Variants in ARL6IP5 observed in about 807,000 individuals in gnomAD.
ARL6IP5 encodes the protein PRA1 family protein 3.
In ARL6IP5, 6 loss-of-function variants were observed where a neutral mutation model predicts 13.0. The ratio of observed to expected loss-of-function variants is 0.46; its 90% CI spans 0.25 to 0.91. The LOEUF (loss-of-function observed/expected upper bound fraction) is 0.91, where lower values mean the gene tolerates loss of function less well. Ranked by LOEUF, ARL6IP5 falls within the 40% of genes least tolerant of loss-of-function variation. The pLI, the probability that ARL6IP5 is intolerant of heterozygous loss-of-function variation, is 0.17. For missense variants in ARL6IP5, 208 were observed against 248.8 expected (o/e 0.84, Z 1.10); for synonymous variants, 91 against 91.9 (o/e 0.99, Z 0.06).
At chr3:69,100,674 G>A (rs759456143) in intron 1 of ARL6IP5, among the ~76,000 whole-genome samples, 1 of 151,832 alleles carries the variant, frequency 6.6e-6, no homozygotes, top group Non-Finnish European at 1.5e-5. Context: ...CCAGTTACTC[G>A]GGAGGCTGAG....
At chr3:69,090,293 T>C (rs2092261235) in intron 1 of ARL6IP5, among the ~76,000 whole-genome samples, 1 of 152,248 alleles carries the variant, frequency 6.6e-6, no homozygotes, top group Admixed American at 6.5e-5. Context: ...CAACACCAGT[T>C]CTACAACATT....
chr3:69,094,750 T>G (rs1460213349), intron 1 of ARL6IP5, among the ~76,000 whole-genome samples: 1 of 152,212 alleles, frequency 6.6e-6, no homozygotes, highest in African/African-American at 2.4e-5. Flanking sequence ...AGGATTTCTG[T>G]TATGGCAAAC....
At chr3:69,103,467 A>G (rs1297363833) in intron 2 of ARL6IP5, among the ~76,000 whole-genome samples, 3 of 152,182 alleles carry the variant, frequency 2.0e-5, no homozygotes, top group Non-Finnish European at 1.5e-5. Flanking sequence ...CTTTTTAAAA[A>G]TATACATTTC....
At chr3:69,093,872 T>C (rs1460647071) in intron 1 of ARL6IP5, among the ~76,000 whole-genome samples, 1 of 152,086 alleles carries the variant, frequency 6.6e-6, no homozygotes, top group Non-Finnish European at 1.5e-5. Flanking sequence ...GAAGGTCACT[T>C]GAGTGTGGGA....
chr3:69,104,595 A>G lies in ARL6IP5; in HGVS notation c.526A>G (p.Ile176Val). The G allele has an allele frequency of 1.2e-6, 2 of 1,614,148 alleles. No homozygotes were observed. The highest frequency in any genetic ancestry group is 1.7e-6 in the Non-Finnish European group (2 of 1,179,996). The change falls in exon 3 of 3, where the codon ATC becomes GTC. Residue 176 changes from isoleucine (I) to valine (V), a missense_variant. Coordinates refer to ENST00000273258, the MANE Select transcript of ARL6IP5 (RefSeq NM_006407.4). ...LDALEQQEEG[I>V]NRLTDYISKV... is the part of the protein sequence containing the mutation. The stretch of plus-strand genomic sequence containing the variant: ...TGCCCTAGAACAGCAGGAAGAAGGC[A>G]TCAACAGACTCACTGACTATATCAG...
chr3:69,090,233 A>G (rs2092261066), intron 1 of ARL6IP5, among the ~76,000 whole-genome samples: 1 of 152,238 alleles, frequency 6.6e-6, no homozygotes, highest in African/African-American at 2.4e-5. Context: ...AATGAGTTGC[A>G]GTCTGTTTAT....
intron 2 of ARL6IP5, among the ~76,000 whole-genome samples, chr3:69,102,725 G>A (rs1285477628): frequency 6.6e-6 from 1 of 152,208 alleles, no homozygotes; most frequent in Non-Finnish European, 1.5e-5. Flanking sequence ...ACACAGGAAT[G>A]AATGTATTTA....
In ARL6IP5 at chr3:69,101,996, C is replaced by G; in HGVS notation, c.334C>G (p.Leu112Val). ...VMVVMLASYFLISMFGGVMVF... is the reference protein window; with the variant it reads ...VMVVMLASYFVISMFGGVMVF... ...GGTGGTCATGTTGGCGAGCTATTTC[C>G]TTATCTCCATGTTTGGAGGAGTCAT... The change falls in exon 2 of 3, where the codon CTT (leucine) becomes GTT (valine). Residue 112 changes from leucine to valine, a missense_variant. Coordinates refer to ENST00000273258, the MANE Select transcript of ARL6IP5 (RefSeq NM_006407.4). 1 of 1,614,136 alleles carries G rather than the reference C, an allele frequency of 6.2e-7. No individual in the cohort carries two copies. Among genetic ancestry groups the G allele is most frequent in the Non-Finnish European group, 8.5e-7 (1 of 1,180,024 alleles).
Position 69,098,155 on chromosome 3 carries a change from C to A in ARL6IP5, c.177-3684C>A, listed in dbSNP as rs193246737. ...GCAGTGGCGCAATCTCGGCTCACTGCACCCTCTGCCTCCCGGGTTCAAGTG... is the reference window on the plus strand; with the variant it reads ...GCAGTGGCGCAATCTCGGCTCACTGAACCCTCTGCCTCCCGGGTTCAAGTG... On this transcript the variant is annotated intron_variant, in intron 1 of 2. Coordinates refer to ENST00000273258, the MANE Select transcript of ARL6IP5 (RefSeq NM_006407.4). Among the ~76,000 whole-genome samples the A allele has an allele frequency of 9.4e-4, 143 of 151,392 alleles. 1 individual carries two copies. The East Asian group carries it at 0.027, about 28-fold the overall frequency.
In ARL6IP5 at chr3:69,085,003, C is replaced by T. The variant is rs2092242912; in HGVS notation, c.-45C>T. The T allele has an allele frequency of 6.3e-7, 1 of 1,593,370 alleles. No homozygotes were observed. Among genetic ancestry groups the T allele is most frequent in the South Asian group, 1.1e-5 (1 of 88,046 alleles). On this transcript the variant is annotated 5_prime_UTR_variant, in exon 1 of 3. Coordinates refer to ENST00000273258, the MANE Select transcript of ARL6IP5 (RefSeq NM_006407.4). Reference sequence around the variant, plus strand: ...CAGCTCAGCTGATCGGTTGCCGCCGCCGCCGCCGCCAGATTCTGGAGGCGA... The same window carrying T: ...CAGCTCAGCTGATCGGTTGCCGCCGTCGCCGCCGCCAGATTCTGGAGGCGA...
rs1271973165 is a variant in ARL6IP5 at position 69,085,220 on chromosome 3, T to C, written c.173T>C (p.Val58Ala). The C allele has an allele frequency of 1.2e-6, 2 of 1,611,242 alleles. No individual in the cohort carries two copies. Among genetic ancestry groups the C allele is most frequent in the Non-Finnish European group, 1.7e-6 (2 of 1,177,940 alleles). The change falls in exon 1 of 3, where the codon GTG (valine) becomes GCG (alanine). Residue 58 changes from valine to alanine, a missense_variant. Transcript: ENST00000273258. ...LVVAAMMISI[V>A]GFLSPFNMIL... ...GTGGCTGCCATGATGATTTCCATTG[T>C]GGGGTAAGTGGGGTCCCCCTACCCG... is the stretch of plus-strand genomic sequence containing the variant.
chr3:69,103,933 T>C (rs886378222), intron 2 of ARL6IP5, among the ~76,000 whole-genome samples: 2 of 152,200 alleles, frequency 1.3e-5, no homozygotes, highest in Non-Finnish European at 2.9e-5. Flanking sequence ...CGGTAGGCTA[T>C]AGAAACTCTG....
chr3:69,104,915 T>C lies in ARL6IP5; in HGVS notation c.*279T>C. 1 of 693,254 alleles carries C rather than the reference T, an allele frequency of 1.4e-6. No homozygotes were observed. Among genetic ancestry groups the C allele is most frequent in the Non-Finnish European group, 2.6e-6 (1 of 382,648 alleles). 42.9% of individuals were successfully genotyped at this position (693,254 alleles called of 1,614,324 possible). On this transcript the variant is annotated 3_prime_UTR_variant, in exon 3 of 3. Transcript: ENST00000273258. ...GGATCACACGATTTCTTTAAGGGAA[T>C]TAAAAAAAATAAAAGAATTACGGCT...
chr3:69,096,081 C>T (rs2092286082), intron 1 of ARL6IP5, among the ~76,000 whole-genome samples: 2 of 152,050 alleles, frequency 1.3e-5, no homozygotes, highest in African/African-American at 2.4e-5. Flanking sequence ...AGGTAAGTGC[C>T]AGGGCATTGG....
At chr3:69,092,865 T>C (rs2092273644) in intron 1 of ARL6IP5, among the ~76,000 whole-genome samples, 1 of 151,704 alleles carries the variant, frequency 6.6e-6, no homozygotes, top group African/African-American at 2.4e-5. Flanking sequence ...AGAAGAACAG[T>C]TTGTAAACAA....
chr3:69,098,110 T>G (rs1370879195), intron 1 of ARL6IP5, among the ~76,000 whole-genome samples: 1 of 151,832 alleles, frequency 6.6e-6, no homozygotes, highest in African/African-American at 2.4e-5. Context: ...AGAGTCTCAC[T>G]CTGTCACCCA....
At chr3:69,104,037 C>G (rs999717647) in intron 2 of ARL6IP5, among the ~76,000 whole-genome samples, 8 of 152,150 alleles carry the variant, frequency 5.3e-5, no homozygotes, top group Admixed American at 5.2e-4. Context: ...TACTCACGTG[C>G]TCCTGCAGGG....
rs1216883042 is a variant in ARL6IP5, at chr3:69,104,948, C to T, written c.*312C>T. On this transcript the variant is annotated 3_prime_UTR_variant, in exon 3 of 3. Coordinates refer to ENST00000273258, the MANE Select transcript of ARL6IP5 (RefSeq NM_006407.4). ...AATAAAAGAATTACGGCTTTTACAG[C>T]AACAATACGATTATCTTATAGGAAA... 2 of 685,748 alleles carry T rather than the reference C, an allele frequency of 2.9e-6. No homozygotes were observed. Among genetic ancestry groups the T allele is most frequent in the South Asian group, 3.1e-5 (2 of 63,642 alleles). The allele number at this position is 685,748 out of a possible 1,614,324, so 42.5% of individuals were successfully genotyped here.
intron 2 of ARL6IP5, among the ~76,000 whole-genome samples, chr3:69,103,442 C>G (rs7650936): frequency 0.57 from 86,594 of 152,006 alleles, 25,311 homozygotes; most frequent in African/African-American, 0.69. Context: ...ATAATTGTGA[C>G]AAGCATTCAG....
Sources: gnomAD v4.1 joint callset for allele counts (sites outside exome capture counted in the v4.1 genomes callset) on GRCh38, gnomAD v4.1.1 for gene constraint, MANE v1.5 for transcripts, NCBI Gene and HGNC (gene_info 2026-07-23, HGNC 2026-07-21) for gene names.